PDSS2: variants seen among roughly 807,000 people sequenced by gnomAD.
PDSS2 encodes the protein decaprenyl diphosphate synthase subunit 2.
In PDSS2, 31 loss-of-function variants were observed where a neutral mutation model predicts 44.5. The ratio of observed to expected loss-of-function variants is 0.70; its 90% CI spans 0.52 to 0.94. The LOEUF (loss-of-function observed/expected upper bound fraction) is 0.94, where lower values mean the gene tolerates loss of function less well. Ranked by LOEUF, PDSS2 falls within the 40% of genes least tolerant of loss-of-function variation. The pLI is 0.00. For missense variants in PDSS2, 452 were observed against 482.2 expected, an observed-to-expected ratio of 0.94 and a Z score of 0.59; for synonymous variants, 157 against 180.3, an observed-to-expected ratio of 0.87 and a Z score of 1.03.
chr6:107,223,359 G>A (rs1773681730), intron 4 of PDSS2, among the ~76,000 whole-genome samples: 1 of 150,848 alleles, frequency 6.6e-6, no homozygotes, highest in Non-Finnish European at 1.5e-5. Context: ...GTGAAACTCT[G>A]TCTCTACCAA....
At chr6:107,167,562 G>T (rs1488652340) in intron 7 of PDSS2, among the ~76,000 whole-genome samples, 1 of 152,050 alleles carries the variant, frequency 6.6e-6, no homozygotes, top group Non-Finnish European at 1.5e-5. Context: ...TCTTTTAATT[G>T]TGATGTTAGG....
In PDSS2 at chr6:107,407,762, C is replaced by T. The variant is rs570093981; in HGVS notation, c.296+51228G>A. On this transcript the variant is annotated intron_variant, in intron 1 of 7. Coordinates refer to ENST00000369037, the MANE Select transcript of PDSS2 (RefSeq NM_020381.4). ...TTGCCCAGGCTGGAGTGCAGTGCCA[C>T]GGTCTTGGCTCACTGCAATCTCTGC... is the stretch of plus-strand genomic sequence containing the variant. 5.3e-4 allele frequency among the ~76,000 whole-genome samples: 80 copies of T among 152,068 alleles called. 1 individual carries two copies. The highest frequency in any genetic ancestry group is 1.6e-3 in the Admixed American group (25 of 15,268).
At chr6:107,264,446 A>T in intron 3 of PDSS2, 1 of 1,549,730 alleles carries the variant, frequency 6.5e-7, no homozygotes, top group Non-Finnish European at 8.7e-7. Flanking sequence ...GGGTGTTTAG[A>T]CAAGATCCAG....
intron 1 of PDSS2, among the ~76,000 whole-genome samples, chr6:107,399,958 T>C (rs928294902): frequency 6.6e-6 from 1 of 152,110 alleles, no homozygotes; most frequent in African/African-American, 2.4e-5. Flanking sequence ...ACACAGGAGC[T>C]TAACACAAAA....
At chr6:107,343,211 T>C (rs999683270) in intron 1 of PDSS2, among the ~76,000 whole-genome samples, 14 of 152,172 alleles carry the variant, frequency 9.2e-5, no homozygotes, top group African/African-American at 1.4e-4. Flanking sequence ...ATACATGAAG[T>C]GGGTTGATTG....
intron 1 of PDSS2, among the ~76,000 whole-genome samples, chr6:107,384,565 C>G (rs1244106128): frequency 3.3e-5 from 5 of 151,076 alleles, no homozygotes; most frequent in Non-Finnish European, 7.4e-5. Context: ...TGCTGGAACC[C>G]GGGAGGCAGA....
intron 4 of PDSS2, among the ~76,000 whole-genome samples, chr6:107,240,877 G>T (rs997742692): frequency 4.6e-5 from 7 of 152,036 alleles, no homozygotes; most frequent in Non-Finnish European, 1.0e-4. Context: ...TCACAAACTA[G>T]CCAATGCAAA....
At chr6:107,322,211 T>C (rs1315307742) in intron 2 of PDSS2, among the ~76,000 whole-genome samples, 1 of 152,148 alleles carries the variant, frequency 6.6e-6, no homozygotes, top group Non-Finnish European at 1.5e-5. Flanking sequence ...TTAAGGATGT[T>C]TTACTCCACT....
chr6:107,220,909 A>G (rs1038810607), intron 4 of PDSS2, among the ~76,000 whole-genome samples: 2 of 152,204 alleles, frequency 1.3e-5, no homozygotes, highest in Non-Finnish European at 2.9e-5. Context: ...AGCATGCTCT[A>G]TTATAAAGGA....
chr6:107,198,410 C>T lies in PDSS2; in HGVS notation c.1009-4556G>A, dbSNP rs561128960. Among the ~76,000 whole-genome samples, 43 of 152,254 alleles carry T rather than the reference C, an allele frequency of 2.8e-4. 1 individual carries two copies. The South Asian group carries it at 8.5e-3, about 30-fold the overall frequency. ...TGCAACTATTGATATGTGGCTCACC[C>T]GAATATCCTTTTCATTTTGTCACAA... On this transcript the variant is annotated intron_variant, in intron 6 of 7. Coordinates refer to ENST00000369037, the MANE Select transcript of PDSS2 (RefSeq NM_020381.4).
At chr6:107,225,885 A>G (rs1562390258) in intron 4 of PDSS2, among the ~76,000 whole-genome samples, 3 of 152,228 alleles carry the variant, frequency 2.0e-5, no homozygotes, top group Non-Finnish European at 4.4e-5. Context: ...TAAGTATAAA[A>G]AAAAGATTGA....
chr6:107,279,530 T>G (rs1236552374), intron 2 of PDSS2, among the ~76,000 whole-genome samples: 3 of 152,222 alleles, frequency 2.0e-5, no homozygotes, highest in African/African-American at 4.8e-5. Flanking sequence ...GCTTATTACA[T>G]AAGACAATTC....
intron 1 of PDSS2, among the ~76,000 whole-genome samples, chr6:107,456,246 G>C (rs368012221): frequency 1.3e-5 from 2 of 152,300 alleles, no homozygotes; most frequent in East Asian, 3.9e-4. Context: ...ACTTGAACCC[G>C]GGAGGTGGAA....
chr6:107,286,136 T>TAAAAAAAAAAAAA lies in PDSS2; in HGVS notation c.432-11922_432-11910dup, dbSNP rs1554262539. ...CAAGGAGCAAAACTTCGTCGCAAAA[T>TAAAAAAAAAAAAA]AAAAAAAAAAAAAAGGAAAGAAAAG... is the stretch of plus-strand genomic sequence containing the variant. On this transcript the variant is annotated intron_variant, in intron 2 of 7. Coordinates refer to ENST00000369037, the MANE Select transcript of PDSS2 (RefSeq NM_020381.4). Among the ~76,000 whole-genome samples the TAAAAAAAAAAAAA allele has an allele frequency of 5.7e-4, 73 of 128,694 alleles. No individual in the cohort carries two copies. The East Asian group carries it at 0.011, about 19-fold the overall frequency. 84.4% of individuals were successfully genotyped at this position (128,694 alleles called of 152,430 possible).
intron 6 of PDSS2, 78 bp downstream of exon 6, chr6:107,210,361 A>G (rs1773155427): frequency 3.7e-6 from 4 of 1,080,082 alleles, no homozygotes; most frequent in Non-Finnish European, 5.7e-6. Flanking sequence ...ATAGCCATAT[A>G]TCACCAAGAA....
At chr6:107,309,868 A>C (rs1776977836) in intron 2 of PDSS2, among the ~76,000 whole-genome samples, 1 of 152,222 alleles carries the variant, frequency 6.6e-6, no homozygotes. Context: ...AAAGCAAGAA[A>C]ATCTAGAATA....
At chr6:107,384,657 C>CAAAAAAACAAAAAAAAAA (rs1562503298) in intron 1 of PDSS2, among the ~76,000 whole-genome samples, 2 of 150,242 alleles carry the variant, frequency 1.3e-5, no homozygotes, top group Non-Finnish European at 3.0e-5. Context: ...CAAAAAAAAA[C>CAAAAAAACAAAAAAAAAA]ACAAAAAAAC....
At chr6:107,263,923 C>T (rs1775328722) in intron 3 of PDSS2, among the ~76,000 whole-genome samples, 1 of 151,138 alleles carries the variant, frequency 6.6e-6, no homozygotes, top group Admixed American at 6.6e-5. Flanking sequence ...CCACCTTCTG[C>T]ATCCCTTTAC....
chr6:107,289,872 C>T (rs571315174), intron 2 of PDSS2, among the ~76,000 whole-genome samples: 8 of 152,246 alleles, frequency 5.3e-5, no homozygotes, highest in Admixed American at 3.9e-4. Context: ...TCAACTTCTC[C>T]TGGGCTCAAG....
Sources: allele counts gnomAD v4.1 joint callset (sites outside exome capture counted in the v4.1 genomes callset), GRCh38; gene constraint gnomAD v4.1.1; transcripts MANE v1.5; gene names NCBI Gene and HGNC (gene_info 2026-07-23, HGNC 2026-07-21).